Variants in NIPBL observed in about 807,000 individuals in gnomAD.
The protein encoded by NIPBL is NIPBL cohesin loading factor, also known as nipped-B-like protein.
In NIPBL, 19 loss-of-function variants were observed where a neutral mutation model predicts 321.8. The ratio of observed to expected loss-of-function variants is 0.06; its 90% CI spans 0.04 to 0.09. NIPBL has a LOEUF of 0.09. NIPBL is among the 10% of genes least tolerant of loss of function. NIPBL has a pLI of 1.00. For missense variants in NIPBL, 2,210 were observed against 3,327.0 expected (o/e 0.66, Z 8.26); for synonymous variants, 1,106 against 1,114.1 (o/e 0.99, Z 0.14).
At chr5:37,025,774 C>A (rs1027162498) in intron 30 of NIPBL, among the ~76,000 whole-genome samples, 2 of 151,930 alleles carry the variant, frequency 1.3e-5, no homozygotes, top group African/African-American at 2.4e-5. Flanking sequence ...TTCAACTATA[C>A]TTCATAAATG....
At chr5:37,035,482 G>A (rs1256371011) in intron 32 of NIPBL, among the ~76,000 whole-genome samples, 1 of 152,202 alleles carries the variant, frequency 6.6e-6, no homozygotes, top group Non-Finnish European at 1.5e-5. Context: ...TGTGGGGAAA[G>A]TTTAAGCTTG....
intron 32 of NIPBL, among the ~76,000 whole-genome samples, chr5:37,030,055 A>C (rs973056646): frequency 1.3e-5 from 2 of 152,212 alleles, no homozygotes; most frequent in Non-Finnish European, 2.9e-5. Context: ...AATTCAATGT[A>C]ATTATCAGAA....
At chr5:37,000,794 G>T (rs1746704985) in intron 12 of NIPBL, 23 bp from the exon 13 acceptor site, 1 of 1,575,314 alleles carries the variant, frequency 6.3e-7, no homozygotes, top group African/African-American at 1.3e-5. Context: ...CTGCATTTCA[G>T]TACTTCTTTT....
intron 31 of NIPBL, 79 bp downstream of exon 31, chr5:37,026,406 A>G: frequency 1.2e-6 from 1 of 800,828 alleles, no homozygotes; most frequent in African/African-American, 1.7e-5. Flanking sequence ...GAAGGAAGAG[A>G]CAATAATGAG....
intron 42 of NIPBL, among the ~76,000 whole-genome samples, chr5:37,053,550 T>TTCTC (rs374356540): frequency 6.6e-6 from 1 of 152,118 alleles, no homozygotes; most frequent in African/African-American, 2.4e-5. Flanking sequence ...GATCTTGCTT[T>TTCTC]TCTCTCTCTC....
chr5:36,993,550 A>G (rs1335097124), intron 10 of NIPBL, among the ~76,000 whole-genome samples: 1 of 152,154 alleles, frequency 6.6e-6, no homozygotes, highest in Non-Finnish European at 1.5e-5. Flanking sequence ...TACATATTTT[A>G]ACCTTTGATT....
chr5:37,012,561 C>CGT (rs1748282226), intron 21 of NIPBL, among the ~76,000 whole-genome samples: 1 of 146,530 alleles, frequency 6.8e-6, no homozygotes, highest in Non-Finnish European at 1.5e-5. Context: ...AGCAGATAAA[C>CGT]AAGTGAACAA....
rs550203550 is a variant in NIPBL, at chr5:36,907,419, A to G, written c.-80+30241A>G. Among the ~76,000 whole-genome samples, 4 of 152,340 alleles carry G rather than the reference A, an allele frequency of 2.6e-5. No homozygotes were observed. The East Asian group carries it at 7.7e-4, about 29-fold the overall frequency. ...TCAGATAAGCAAAAAGAAGAAAAAT[A>G]AAAGTTACGTAGATACCAGAAATTA... is the stretch of plus-strand genomic sequence containing the variant. On this transcript the variant is annotated intron_variant, in intron 1 of 46. Transcript: ENST00000282516.
rs768908921 is a variant in NIPBL, at chr5:37,065,340, GAA to G, written c.*459_*460del. ...TCCTGGATATATAATTTATTCTGTT[GAA>G]AAAAAAAAAAGCATGCAGTATCTAT... On this transcript the variant is annotated 3_prime_UTR_variant, in exon 47 of 47. Transcript: ENST00000282516. 2.7e-4 allele frequency: 41 copies of G among 153,234 alleles called. No individual in the cohort carries two copies. Among genetic ancestry groups the G allele is most frequent in the Admixed American group, 4.6e-4 (7 of 15,196 alleles). 9.5% of individuals were successfully genotyped at this position (153,234 alleles called of 1,614,324 possible).
chr5:36,995,442 CAT>C, intron 10 of NIPBL, 178 bp from the exon 11 acceptor site: 1 of 567,114 alleles, frequency 1.8e-6, no homozygotes, highest in East Asian at 3.0e-5. Context: ...TATATGTACA[CAT>C]ACATATATAT....
At chr5:36,900,836 T>TA (rs1747148158) in intron 1 of NIPBL, among the ~76,000 whole-genome samples, 1 of 152,200 alleles carries the variant, frequency 6.6e-6, no homozygotes, top group African/African-American at 2.4e-5. Context: ...GGGGACCTAG[T>TA]AAGTTCCTGT....
At chr5:37,008,579 TTTCTA>T (rs1747718968) in intron 19 of NIPBL, 39 bp from the exon 20 acceptor site, 2 of 1,023,742 alleles carry the variant, frequency 2.0e-6, no homozygotes, top group Non-Finnish European at 3.1e-6. Flanking sequence ...TTTGGTTTGT[TTTCTA>T]TTATAAGTTT....
intron 6 of NIPBL, among the ~76,000 whole-genome samples, chr5:36,965,305 A>C (rs294698): frequency 0.042 from 6,334 of 152,234 alleles, 454 homozygotes; most frequent in African/African-American, 0.14. Context: ...GAATAGAGAA[A>C]AGGTGTATGT....
At chr5:37,008,525 C>T (rs1413691236) in intron 19 of NIPBL, 98 bp from the exon 20 acceptor site, 1 of 722,892 alleles carries the variant, frequency 1.4e-6, no homozygotes, top group East Asian at 2.5e-5. Flanking sequence ...AAAACATTTT[C>T]ATTCTAAATG....
At chr5:36,983,774 A>G (rs138150138) in intron 9 of NIPBL, among the ~76,000 whole-genome samples, 29 of 152,084 alleles carry the variant, frequency 1.9e-4, no homozygotes, top group African/African-American at 7.0e-4. Flanking sequence ...TGTTAAAAAT[A>G]CCTTCACATT....
intron 32 of NIPBL, among the ~76,000 whole-genome samples, chr5:37,033,728 A>ATTTTTT (rs1423279625): frequency 1.1e-3 from 52 of 48,390 alleles, no homozygotes; most frequent in African/African-American, 2.2e-3. Context: ...ATATATATAT[A>ATTTTTT]TATTTTTTTT....
At chr5:36,933,378 G>C (rs1405289677) in intron 1 of NIPBL, among the ~76,000 whole-genome samples, 1 of 151,774 alleles carries the variant, frequency 6.6e-6, no homozygotes, top group Non-Finnish European at 1.5e-5. Flanking sequence ...TGGTCAAAAG[G>C]GTCTGTGGAA....
chr5:36,943,836 A>G (rs1172864391), intron 1 of NIPBL, among the ~76,000 whole-genome samples: 1 of 152,170 alleles, frequency 6.6e-6, no homozygotes, highest in Non-Finnish European at 1.5e-5. Context: ...CTGGAAGACA[A>G]AGAATTATTC....
chr5:36,902,780 G>GT lies in NIPBL; in HGVS notation c.-80+25610dup, dbSNP rs1021547711. ...AAGTTTTTTGTTTGTTTGTTTTTTG[G>GT]TTTTTTTTCCTAATTCTGTGAAAAC... On this transcript the variant is annotated intron_variant, in intron 1 of 46. Transcript: ENST00000282516. 5.9e-5 allele frequency among the ~76,000 whole-genome samples: 9 copies of GT among 151,454 alleles called. No individual in the cohort carries two copies. In the East Asian group the frequency reaches 1.4e-3, roughly 23 times the overall value.
Sources: allele counts gnomAD v4.1 joint callset (sites outside exome capture counted in the v4.1 genomes callset), GRCh38; gene constraint gnomAD v4.1.1; transcripts MANE v1.5; gene names NCBI Gene and HGNC (gene_info 2026-07-23, HGNC 2026-07-21).